PADI4: variants seen among roughly 807,000 people sequenced by gnomAD.
PADI4 encodes the protein protein-arginine deiminase type-4.
Under a neutral mutation model 75.0 loss-of-function variants are expected in PADI4, and 62 were observed. The ratio of observed to expected loss-of-function variants is 0.83; its 90% CI spans 0.67 to 1.02. The LOEUF (loss-of-function observed/expected upper bound fraction) is 1.02, where lower values mean the gene tolerates loss of function less well. Among genes scored for constraint, PADI4 ranks in the 50% least tolerant of loss-of-function variants. PADI4 has a pLI of 0.00. For missense variants in PADI4, 845 were observed against 850.5 expected, an observed-to-expected ratio of 0.99 and a Z score of 0.08; for synonymous variants, 361 against 348.1, an observed-to-expected ratio of 1.04 and a Z score of -0.41.
rs760919991 is a variant in PADI4 at position 17,346,131 on chromosome 1, T to C, written c.1039T>C (p.Trp347Arg). ...TGAGGAGGAGAACATGGATGACCAG[T>C]GGATGCAGGTATGTGCCCTGCGGGG... is the stretch of plus-strand genomic sequence containing the variant. Reference protein sequence around the residue: ...CPEEENMDDQWMQDEMEIGYI... With the variant: ...CPEEENMDDQRMQDEMEIGYI... Residue 347 changes from tryptophan to arginine, a missense_variant, in exon 9 of 16, where the codon TGG becomes CGG. Trp to Arg is a moderately radical substitution (Grantham distance 101). Coordinates refer to ENST00000375448, the MANE Select transcript of PADI4 (RefSeq NM_012387.3). The surrounding 1 kb of genome is among the most constrained non-coding windows in gnomAD (Gnocchi z 4.3). The C allele has an allele frequency of 2.6e-5, 42 of 1,608,342 alleles. No homozygotes were observed. The highest frequency in any genetic ancestry group is 3.5e-5 in the Non-Finnish European group (41 of 1,174,860).
intron 2 of PADI4, among the ~76,000 whole-genome samples, chr1:17,333,256 T>C (rs2074248070): frequency 6.6e-6 from 1 of 152,050 alleles, no homozygotes; most frequent in Admixed American, 6.5e-5. Context: ...TTCCTGGATT[T>C]CCACTGTCTA....
In PADI4 at chr1:17,342,060, C is replaced by T. The variant is rs373057735; in HGVS notation, c.770C>T (p.Pro257Leu). 1.1e-5 allele frequency: 18 copies of T among 1,613,960 alleles called. No individual in the cohort carries two copies. Among genetic ancestry groups the T allele is most frequent in the South Asian group, 5.5e-5 (5 of 91,076 alleles). ...TTCTACGTGGAGGCCCTCGCTTTCC[C>T]GGACACCGACTTCCCGGGGCTCATT... is the stretch of plus-strand genomic sequence containing the variant. Reference protein sequence around the residue: ...MDFYVEALAFPDTDFPGLITL... With the variant: ...MDFYVEALAFLDTDFPGLITL... The change falls in exon 7 of 16, where the codon CCG becomes CTG. Residue 257 changes from proline (P) to leucine (L), a missense_variant. By Grantham distance (98) the Pro-to-Leu change is moderately conservative. Transcript: ENST00000375448.
At chr1:17,314,536 C>T (rs558734894) in intron 1 of PADI4, among the ~76,000 whole-genome samples, 26 of 152,264 alleles carry the variant, frequency 1.7e-4, no homozygotes, top group Admixed American at 1.0e-3. Flanking sequence ...TATTAGTAGC[C>T]GTCCCATACT....
chr1:17,339,890 TAA>T (rs1437147708), intron 6 of PADI4, 77 bp downstream of exon 6: 1 of 1,473,210 alleles, frequency 6.8e-7, no homozygotes, highest in African/African-American at 1.4e-5. Flanking sequence ...GTGTGGCAGA[TAA>T]ATCCTGAGCA....
chr1:17,319,981 T>G lies in PADI4; in HGVS notation c.93-10988T>G, dbSNP rs561281550. On this transcript the variant is annotated intron_variant, in intron 1 of 15. Coordinates refer to ENST00000375448, the MANE Select transcript of PADI4 (RefSeq NM_012387.3). ...TGTGGGGTAAACTTAATATAACACA[T>G]TGCTGCTGTAACAAATCACTACAAA... Among the ~76,000 whole-genome samples, 3 of 152,344 alleles carry G rather than the reference T, an allele frequency of 2.0e-5. No individual in the cohort carries two copies. The East Asian group carries it at 5.8e-4, about 29-fold the overall frequency.
intron 1 of PADI4, among the ~76,000 whole-genome samples, chr1:17,313,372 A>C (rs931520294): frequency 2.8e-5 from 4 of 144,578 alleles, no homozygotes; most frequent in East Asian, 4.3e-4. Flanking sequence ...GTGGTGGTGC[A>C]TGCCTGTAAT....
chr1:17,357,940 A>AC (rs2074787988), intron 13 of PADI4, among the ~76,000 whole-genome samples: 1 of 93,464 alleles, frequency 1.1e-5, no homozygotes, highest in Non-Finnish European at 2.1e-5. Flanking sequence ...CAAAAAAAAA[A>AC]AAAAAAACAA....
At chr1:17,348,701 T>G (rs1397305585) in intron 10 of PADI4, 1 of 152,230 alleles carries the variant, frequency 6.6e-6, no homozygotes, top group Non-Finnish European at 1.5e-5. Flanking sequence ...GTTATGGAGA[T>G]TCTATCAATA....
At position 17,363,485 on chromosome 1, in the gene PADI4, G is replaced by A. The variant is rs188529614; in HGVS notation, c.1759-37G>A. The A allele has an allele frequency of 3.6e-3, 5,238 of 1,458,934 alleles. 7 individuals carry two copies. Among genetic ancestry groups the A allele is most frequent in the African/African-American group, 5.1e-3 (366 of 72,072 alleles). 90.4% of individuals were successfully genotyped at this position (1,458,934 alleles called of 1,614,324 possible). A position where few individuals can be genotyped will look rare whatever the true frequency, so the allele number is the denominator to read the frequency against. On this transcript the variant is annotated intron_variant, in intron 15 of 15. Coordinates refer to ENST00000375448, the MANE Select transcript of PADI4 (RefSeq NM_012387.3). ...GCTCAGATTGCGCTGCAGGCTGCCC[G>A]CTGCTGCCTGTGACCTGAACCCTCA...
At chr1:17,336,855 C>A (rs1293431721) in intron 4 of PADI4, among the ~76,000 whole-genome samples, 1 of 152,160 alleles carries the variant, frequency 6.6e-6, no homozygotes, top group Non-Finnish European at 1.5e-5. Context: ...AATTACAACT[C>A]TAGGAGTAGA....
chr1:17,337,730 CA>C (rs1445613897), intron 4 of PADI4, among the ~76,000 whole-genome samples: 1 of 151,942 alleles, frequency 6.6e-6, no homozygotes, highest in African/African-American at 2.4e-5. Flanking sequence ...TCCTGGCCAA[CA>C]TGGTGAAATC....
chr1:17,343,790 C>G lies in PADI4; in HGVS notation c.935+1388C>G, dbSNP rs1183189924. ...TGTAAGAAGTGCCTTTTGCCTCCCA[C>G]CATGGTGTCCCCAGCCATGTGGGAG... On this transcript the variant is annotated intron_variant, in intron 8 of 15. Coordinates refer to ENST00000375448, the MANE Select transcript of PADI4 (RefSeq NM_012387.3). Among the ~76,000 whole-genome samples the G allele has an allele frequency of 2.6e-5, 4 of 152,196 alleles. No individual in the cohort carries two copies. The South Asian group carries it at 8.3e-4, about 31-fold the overall frequency.
At chr1:17,334,213 A>C (rs1423700994) in intron 3 of PADI4, 15 of 580,326 alleles carry the variant, frequency 2.6e-5, no homozygotes, top group Non-Finnish European at 4.8e-5. Context: ...ACAATGTGGC[A>C]GTGGTGGTGC....
chr1:17,363,001 G>A (rs1389336772), intron 15 of PADI4, among the ~76,000 whole-genome samples: 2 of 151,794 alleles, frequency 1.3e-5, no homozygotes, highest in African/African-American at 2.4e-5. Context: ...ATTTTTAGTA[G>A]AGACGGGGTT....
intron 10 of PADI4, among the ~76,000 whole-genome samples, chr1:17,349,714 A>AAAAAAAG (rs1553148555): frequency 8.6e-6 from 1 of 116,360 alleles, no homozygotes; most frequent in Non-Finnish European, 1.9e-5. Flanking sequence ...AAAAAAAAAA[A>AAAAAAAG]AAAGAAAGAA....
At chr1:17,330,899 C>CT in intron 1 of PADI4, 70 bp from the exon 2 acceptor site, 1 of 990,282 alleles carries the variant, frequency 1.0e-6, no homozygotes, top group South Asian at 1.8e-5. Context: ...AGGAGAAATG[C>CT]TGGGAGAGCC....
intron 10 of PADI4, among the ~76,000 whole-genome samples, chr1:17,353,224 G>A (rs544444375): frequency 1.3e-5 from 2 of 152,182 alleles, no homozygotes; most frequent in South Asian, 4.1e-4. Context: ...AACACTCTAG[G>A]AGCCGAGGCA....
At chr1:17,329,213 G>A (rs1248009041) in intron 1 of PADI4, among the ~76,000 whole-genome samples, 1 of 151,244 alleles carries the variant, frequency 6.6e-6, no homozygotes, top group African/African-American at 2.4e-5. Flanking sequence ...GAAAATCTGT[G>A]TATACAGGAG....
At chr1:17,354,045 G>T (rs530307459) in intron 10 of PADI4, among the ~76,000 whole-genome samples, 85 of 150,192 alleles carry the variant, frequency 5.7e-4, no homozygotes, top group Non-Finnish European at 1.1e-3. Context: ...TCCGAGACTA[G>T]ACTGGCCAAC....
Sources: allele counts gnomAD v4.1 joint callset (sites outside exome capture counted in the v4.1 genomes callset), GRCh38; gene constraint gnomAD v4.1.1; non-coding constraint Gnocchi (gnomAD v3.1); transcripts MANE v1.5; gene names NCBI Gene and HGNC (gene_info 2026-07-23, HGNC 2026-07-21).